Variants in TAB2 observed in about 807,000 individuals in gnomAD.
TAB2 encodes TGF-beta activated kinase 1 (MAP3K7) binding protein 2.
Under a neutral mutation model 65.0 loss-of-function variants are expected in TAB2, and 3 were observed. The ratio of observed to expected loss-of-function variants is 0.05; its 90% CI spans 0.02 to 0.12. The LOEUF is 0.12. Among genes scored for constraint, TAB2 ranks in the 10% least tolerant of loss-of-function variants. The probability of loss-of-function intolerance (pLI) is 1.00; values close to 1 mark genes in which losing one functional copy is unlikely to be tolerated. For missense variants in TAB2, 623 were observed against 840.3 expected (o/e 0.74, Z 3.20); for synonymous variants, 298 against 285.1 (o/e 1.05, Z -0.46).
At chr6:149,313,216 T>C (rs1399724271), upstream of TAB2, among the ~76,000 whole-genome samples, 2 of 152,238 alleles carry the variant, frequency 1.3e-5, no homozygotes, top group South Asian at 4.2e-4. Context: ...CAGGCTGGAA[T>C]GCAGTGGTGC....
chr6:149,307,796 T>C (rs955383046), intron 1 of TAB2, among the ~76,000 whole-genome samples: 8 of 152,206 alleles, frequency 5.3e-5, no homozygotes, highest in African/African-American at 1.9e-4. Flanking sequence ...AATCTAGTCA[T>C]TGCTAAAAAT....
chr6:149,336,796 G>C (rs972639479), intron 1 of TAB2, among the ~76,000 whole-genome samples: 1 of 152,126 alleles, frequency 6.6e-6, no homozygotes, highest in African/African-American at 2.4e-5. Flanking sequence ...AGACAGGCCT[G>C]CCCAGATTCC....
chr6:149,239,430 GGTCATGGACAA>G (rs2114640937), intron 1 of TAB2, among the ~76,000 whole-genome samples: 1 of 152,280 alleles, frequency 6.6e-6, no homozygotes, highest in Non-Finnish European at 1.5e-5. Context: ...GTCAAAACGA[GGTCATGGACAA>G]GTCTAGAATT....
chr6:149,405,006 CTATT>C (rs764860231), intron 6 of TAB2, among the ~76,000 whole-genome samples: 1 of 152,140 alleles, frequency 6.6e-6, no homozygotes, highest in Non-Finnish European at 1.5e-5. Flanking sequence ...TATTCACAAA[CTATT>C]TAACTCCTAA....
chr6:149,281,195 G>C (rs1469857122), intron 1 of TAB2, among the ~76,000 whole-genome samples: 1 of 151,972 alleles, frequency 6.6e-6, no homozygotes, highest in African/African-American at 2.4e-5. Context: ...AAAAATATTT[G>C]AAGAGTCATG....
chr6:149,330,013 C>G (rs1779735635), intron 1 of TAB2, among the ~76,000 whole-genome samples: 3 of 152,062 alleles, frequency 2.0e-5, no homozygotes, highest in Admixed American at 1.3e-4. Context: ...AACCACTTAC[C>G]TGCTTCTGTT....
At chr6:149,301,639 A>G (rs1052025325) in intron 1 of TAB2, among the ~76,000 whole-genome samples, 1 of 152,196 alleles carries the variant, frequency 6.6e-6, no homozygotes, top group East Asian at 1.9e-4. Context: ...CATTTATGTA[A>G]AAGTTGTTTC....
chr6:149,246,279 T>G (rs1162509627), intron 1 of TAB2: 1 of 152,210 alleles, frequency 6.6e-6, no homozygotes, highest in African/African-American at 2.4e-5. Context: ...CCCTAGCATT[T>G]GCTCCTAAAA....
At chr6:149,308,451 T>C (rs1779107117) in intron 1 of TAB2, among the ~76,000 whole-genome samples, 1 of 152,154 alleles carries the variant, frequency 6.6e-6, no homozygotes, top group Non-Finnish European at 1.5e-5. Flanking sequence ...AAATTGACTA[T>C]AGAGATTGAA....
At chr6:149,391,968 G>A (rs541433868) in intron 3 of TAB2, among the ~76,000 whole-genome samples, 1 of 152,084 alleles carries the variant, frequency 6.6e-6, no homozygotes, top group South Asian at 2.1e-4. Context: ...TCCTTTTCGA[G>A]GAAGGTTGTT....
At chr6:149,267,538 G>A (rs752307367) in intron 1 of TAB2, among the ~76,000 whole-genome samples, 45 of 152,102 alleles carry the variant, frequency 3.0e-4, no homozygotes, top group Non-Finnish European at 1.3e-4. Context: ...AGAGGGTAGG[G>A]ATTTTTGTTT....
chr6:149,252,511 A>C (rs1777882990), intron 1 of TAB2, among the ~76,000 whole-genome samples: 1 of 152,092 alleles, frequency 6.6e-6, no homozygotes. Flanking sequence ...AGATTGAGTC[A>C]TTAGCATTAA....
intron 1 of TAB2, among the ~76,000 whole-genome samples, chr6:149,310,971 G>A (rs773394471): frequency 4.6e-5 from 7 of 152,018 alleles, no homozygotes; most frequent in Admixed American, 6.6e-5. Context: ...GTGTGTTTGC[G>A]TTCCCCATAC....
rs993791379 is a variant in TAB2 at position 149,399,530 on chromosome 6, T to C, written c.1939+346T>C. Among the ~76,000 whole-genome samples the C allele has an allele frequency of 5.7e-3, 856 of 149,398 alleles. 7 individuals carry two copies. Among genetic ancestry groups the C allele is most frequent in the African/African-American group, 0.02 (813 of 40,694 alleles). On this transcript the variant is annotated intron_variant, in intron 6 of 6. Coordinates refer to ENST00000637181, the MANE Select transcript of TAB2 (RefSeq NM_001292034.3). ...GATAAGGAAGATACCTTAGGGAAGT[T>C]CCCCCCCCCCATGAGTATTTAGTTT...
intron 1 of TAB2, among the ~76,000 whole-genome samples, chr6:149,276,863 C>T (rs1019153168): frequency 1.3e-5 from 2 of 152,202 alleles, no homozygotes; most frequent in African/African-American, 4.8e-5. Flanking sequence ...TGTGTCCCCA[C>T]CCAAATATCA....
At chr6:149,384,793 A>G (rs74423402) in intron 3 of TAB2, among the ~76,000 whole-genome samples, 18,498 of 152,134 alleles carry the variant, frequency 0.12, 1,733 homozygotes, top group East Asian at 0.51. Context: ...TGGAGGACAA[A>G]GCATTCCAAC....
chr6:149,400,338 C>CG (rs1414276001), intron 6 of TAB2: 1 of 1,577,424 alleles, frequency 6.3e-7, no homozygotes, highest in African/African-American at 1.3e-5. Context: ...TCGTTAGGTG[C>CG]GGACCCGCCA....
intron 1 of TAB2, among the ~76,000 whole-genome samples, chr6:149,251,204 AG>A (rs1486726791): frequency 6.6e-6 from 1 of 152,190 alleles, no homozygotes; most frequent in Non-Finnish European, 1.5e-5. Context: ...ACTCCAGGTC[AG>A]GCCATCACCA....
chr6:149,303,008 T>G (rs1348123979), intron 1 of TAB2, among the ~76,000 whole-genome samples: 2 of 152,204 alleles, frequency 1.3e-5, no homozygotes, highest in African/African-American at 4.8e-5. Flanking sequence ...CGAACCCTAT[T>G]GTGAACTGCG....
Sources: allele counts gnomAD v4.1 joint callset (sites outside exome capture counted in the v4.1 genomes callset), GRCh38; gene constraint gnomAD v4.1.1; transcripts MANE v1.5; gene names NCBI Gene and HGNC (gene_info 2026-07-23, HGNC 2026-07-21).